SLC13A4: variants seen among roughly 807,000 people sequenced by gnomAD.
SLC13A4 encodes the protein solute carrier family 13 member 4, also known as Na(+)/sulfate cotransporter SUT-1.
SLC13A4 carries 28 observed loss-of-function variants against 72.7 expected under a neutral mutation model. The ratio of observed to expected loss-of-function variants is 0.39; its 90% CI spans 0.29 to 0.53. The LOEUF is 0.53. Among genes scored for constraint, SLC13A4 ranks in the 20% least tolerant of loss-of-function variants. The probability of loss-of-function intolerance (pLI) is 0.78; values close to 1 mark genes in which losing one functional copy is unlikely to be tolerated. For synonymous variants in SLC13A4, 312 were observed against 325.5 expected (o/e 0.96, Z 0.45); for missense variants, 653 against 788.0 (o/e 0.83, Z 2.05).
Position 135,699,504 on chromosome 7 carries a change from C to T in SLC13A4, c.759G>A (p.Leu253=). The change falls in exon 8 of 16, where the codon CTG becomes CTA. Residue 253 remains leucine (L), a synonymous_variant. Transcript: ENST00000682651. ...CATGGTGGGACCTGTACTTTCTGTT[C>T]AGCTTCTGCTTCCTGGGGCTGGGGG... The part of the protein sequence containing the change: ...VLTPSPRKQK[L]NRKYRSHHDQ... 2 of 1,611,490 alleles carry T rather than the reference C, an allele frequency of 1.2e-6. No individual in the cohort carries two copies. The highest frequency in any genetic ancestry group is 1.7e-6 in the Non-Finnish European group (2 of 1,178,800).
At chr7:135,683,756 C>T in intron 15 of SLC13A4, 1 of 985,394 alleles carries the variant, frequency 1.0e-6, no homozygotes, top group Non-Finnish European at 1.2e-6. Flanking sequence ...TCATTCTCAT[C>T]TTCTGTGAAT....
At chr7:135,727,109 C>T (rs1563174957) in intron 1 of SLC13A4, among the ~76,000 whole-genome samples, 1 of 152,224 alleles carries the variant, frequency 6.6e-6, no homozygotes, top group Admixed American at 6.5e-5. Context: ...GGCAGGCTGG[C>T]CTGCTGCTTG....
intron 8 of SLC13A4, 51 bp from the exon 9 acceptor site, chr7:135,695,538 G>A: frequency 1.3e-6 from 2 of 1,574,412 alleles, no homozygotes; most frequent in African/African-American, 1.3e-5. Context: ...GTTTCCATAT[G>A]GTATTTTGGG....
chr7:135,712,540 G>A (rs1796327657), intron 2 of SLC13A4, among the ~76,000 whole-genome samples: 2 of 151,522 alleles, frequency 1.3e-5, no homozygotes, highest in South Asian at 4.2e-4. Context: ...AATGACACGT[G>A]CAAACCAGCT....
At position 135,702,892 on chromosome 7, in the gene SLC13A4, C is replaced by T; in HGVS notation, c.594-8G>A. On this transcript the variant is annotated splice_region_variant and splice_polypyrimidine_tract_variant and intron_variant, in intron 5 of 15. Coordinates refer to ENST00000682651, the MANE Select transcript of SLC13A4 (RefSeq NM_001318192.2). ...AGGTCTGCGTTGGACCTGCTGGAAC[C>T]AAGCAGAGGACACAGGAGCCACGTC... 6.2e-7 allele frequency: 1 copy of T among 1,612,376 alleles called. No individual in the cohort carries two copies. Among genetic ancestry groups the T allele is most frequent in the Non-Finnish European group, 8.5e-7 (1 of 1,178,424 alleles).
At chr7:135,710,081 A>G (rs569583653) in intron 2 of SLC13A4, among the ~76,000 whole-genome samples, 9 of 152,248 alleles carry the variant, frequency 5.9e-5, no homozygotes, top group Admixed American at 4.6e-4. Context: ...AGGAAAAGCT[A>G]TAGAAAAGTC....
intron 2 of SLC13A4, among the ~76,000 whole-genome samples, chr7:135,717,318 A>G (rs1254920021): frequency 6.6e-6 from 1 of 152,226 alleles, no homozygotes; most frequent in Non-Finnish European, 1.5e-5. Context: ...AATTATATTT[A>G]ATAACTTCTG....
intron 13 of SLC13A4, chr7:135,689,090 C>T (rs1229914361): frequency 6.6e-6 from 1 of 151,828 alleles, no homozygotes; most frequent in African/African-American, 2.4e-5. Flanking sequence ...ACTATGTTGC[C>T]CAGGCTAGTC....
chr7:135,712,311 G>A (rs759701832), intron 2 of SLC13A4, among the ~76,000 whole-genome samples: 1 of 151,666 alleles, frequency 6.6e-6, no homozygotes, highest in African/African-American at 2.4e-5. Context: ...CTATGTGCTC[G>A]GGAGACACGG....
chr7:135,690,715 A>G (rs1584718163), intron 13 of SLC13A4, among the ~76,000 whole-genome samples: 1 of 133,324 alleles, frequency 7.5e-6, no homozygotes, highest in Admixed American at 8.2e-5. Flanking sequence ...TGTTCCTAGT[A>G]GCGCTGAGAA....
rs564993647 is a variant in SLC13A4, at chr7:135,681,545, C to G, written c.*18G>C. 8.7e-6 allele frequency: 14 copies of G among 1,608,988 alleles called. No individual in the cohort carries two copies. In the South Asian group the frequency reaches 1.4e-4, roughly 17 times the overall value. ...ATACTGGCAGCTCCTGTGGTTGGGC[C>G]AGTTTGTACACTTGGCGTTAGGCTT... On this transcript the variant is annotated 3_prime_UTR_variant, in exon 16 of 16. Coordinates refer to ENST00000682651, the MANE Select transcript of SLC13A4 (RefSeq NM_001318192.2).
Position 135,727,660 on chromosome 7 carries a change from C to A in SLC13A4, c.-164G>T. The A allele has an allele frequency of 1.2e-6, 1 of 804,086 alleles. No homozygotes were observed. Among genetic ancestry groups the A allele is most frequent in the Non-Finnish European group, 1.9e-6 (1 of 537,004 alleles). The allele number at this position is 804,086 out of a possible 1,614,324, so 49.8% of individuals were successfully genotyped here. ...GAACGGGAGGGCAGTTATACCCTCG[C>A]TGTTTCTACAAGAGGCTGGGCTCCT... On this transcript the variant is annotated 5_prime_UTR_variant, in exon 1 of 16. Coordinates refer to ENST00000682651, the MANE Select transcript of SLC13A4 (RefSeq NM_001318192.2).
At chr7:135,696,362 T>G (rs1795904264) in intron 8 of SLC13A4, among the ~76,000 whole-genome samples, 1 of 152,136 alleles carries the variant, frequency 6.6e-6, no homozygotes. Context: ...TTTTTATTTT[T>G]TTTTGAGACG....
rs182527290 is a variant in SLC13A4 at position 135,702,380 on chromosome 7, A to G, written c.633+465T>C. The G allele has an allele frequency of 1.2e-4, 19 of 156,918 alleles. No individual in the cohort carries two copies. The East Asian group carries it at 3.6e-3, about 30-fold the overall frequency. 9.7% of individuals were successfully genotyped at this position (156,918 alleles called of 1,614,324 possible). ...AAATGTGTTCTTTTTATTTTTATTTATTTTTATTTTTTGAGATGGGGGTCT... is the reference window on the plus strand; with the variant it reads ...AAATGTGTTCTTTTTATTTTTATTTGTTTTTATTTTTTGAGATGGGGGTCT... On this transcript the variant is annotated intron_variant, in intron 6 of 15. Transcript: ENST00000682651.
In SLC13A4 at chr7:135,684,270, G is replaced by C; in HGVS notation, c.1609-9C>G. Reference sequence around the variant, plus strand: ...ATGTGCAGCGTTTCAGACTAGAAGAGAGAATTCACAGAAACATTCACGAGA... The same window carrying C: ...ATGTGCAGCGTTTCAGACTAGAAGACAGAATTCACAGAAACATTCACGAGA... On this transcript the variant is annotated splice_polypyrimidine_tract_variant and intron_variant, in intron 14 of 15. Coordinates refer to ENST00000682651, the MANE Select transcript of SLC13A4 (RefSeq NM_001318192.2). The C allele has an allele frequency of 6.3e-7, 1 of 1,586,548 alleles. No individual in the cohort carries two copies. Among genetic ancestry groups the C allele is most frequent in the South Asian group, 1.1e-5 (1 of 87,766 alleles).
chr7:135,721,782 G>A (rs1275085872), intron 1 of SLC13A4, among the ~76,000 whole-genome samples: 3 of 152,202 alleles, frequency 2.0e-5, no homozygotes, highest in Non-Finnish European at 1.5e-5. Context: ...CAGGCAGCTC[G>A]GAGGGTTCTG....
intron 1 of SLC13A4, among the ~76,000 whole-genome samples, chr7:135,725,183 C>A (rs139375194): frequency 4.6e-4 from 70 of 152,294 alleles, no homozygotes; most frequent in African/African-American, 1.6e-3. Context: ...GGAAAGAGTT[C>A]GAAAGTGGCA....
chr7:135,710,646 T>TA (rs143787194), intron 2 of SLC13A4, among the ~76,000 whole-genome samples: 1 of 152,326 alleles, frequency 6.6e-6, no homozygotes, highest in East Asian at 1.9e-4. Flanking sequence ...CGTTCAGTAT[T>TA]AAAGTATTTG....
At position 135,684,104 on chromosome 7, in the gene SLC13A4, G is replaced by A; in HGVS notation, c.1746+20C>T. The stretch of plus-strand genomic sequence containing the variant: ...CCTCATGGCAGCTGGGCCTGGCAGG[G>A]AGAGGGCACCCCAACTCACCATATC... On this transcript the variant is annotated intron_variant, in intron 15 of 15. Transcript: ENST00000682651. 6.3e-7 allele frequency: 1 copy of A among 1,581,866 alleles called. No individual in the cohort carries two copies. The highest frequency in any genetic ancestry group is 8.6e-7 in the Non-Finnish European group (1 of 1,159,122).
Sources: gnomAD v4.1 joint callset for allele counts (sites outside exome capture counted in the v4.1 genomes callset) on GRCh38, gnomAD v4.1.1 for gene constraint, MANE v1.5 for transcripts, NCBI Gene and HGNC (gene_info 2026-07-23, HGNC 2026-07-21) for gene names.